KALRN: variants seen among roughly 807,000 people sequenced by gnomAD.
The protein encoded by KALRN is kalirin.
KALRN carries 70 observed loss-of-function variants against 353.7 expected under a neutral mutation model. The ratio of observed to expected loss-of-function variants is 0.20; its 90% CI spans 0.16 to 0.24. KALRN has a LOEUF of 0.24. Ranked by LOEUF, KALRN falls within the 10% of genes least tolerant of loss-of-function variation. The pLI is 1.00. For synonymous variants in KALRN, 1,391 were observed against 1,434.8 expected, an observed-to-expected ratio of 0.97 and a Z score of 0.69; for missense variants, 2,791 against 3,756.7, an observed-to-expected ratio of 0.74 and a Z score of 6.72.
At chr3:124,227,854 A>G (rs2078742445) in intron 1 of KALRN, 136 bp from the exon 2 acceptor site, 3 of 741,976 alleles carry the variant, frequency 4.0e-6, no homozygotes, top group Non-Finnish European at 7.4e-6. Context: ...CTCCTGGTCC[A>G]TCGGGCTGGG....
intron 1 of KALRN, among the ~76,000 whole-genome samples, chr3:124,104,788 G>C (rs902003798): frequency 6.6e-6 from 1 of 152,176 alleles, no homozygotes; most frequent in African/African-American, 2.4e-5. Flanking sequence ...TGCCTAGAGG[G>C]GTTGGAGAAG....
intron 6 of KALRN, among the ~76,000 whole-genome samples, chr3:124,306,816 A>G (rs907507175): frequency 1.6e-4 from 25 of 152,200 alleles, no homozygotes; most frequent in African/African-American, 5.1e-4. Flanking sequence ...ATCAGAAACA[A>G]TGGAGGTCCA....
chr3:124,315,004 C>T lies in KALRN; in HGVS notation c.1093-10976C>T, dbSNP rs184236767. On this transcript the variant is annotated intron_variant, in intron 6 of 59. Transcript: ENST00000682506. Reference sequence around the variant, plus strand: ...GGAACTAACAGAGTGAGAACACACTCATTACCTTGAGGAGGAGCTATTCAT... The same window carrying T: ...GGAACTAACAGAGTGAGAACACACTTATTACCTTGAGGAGGAGCTATTCAT... Among the ~76,000 whole-genome samples the T allele has an allele frequency of 5.5e-3, 841 of 152,264 alleles. 14 individuals carry two copies. The highest frequency in any genetic ancestry group is 8.7e-3 in the Non-Finnish European group (591 of 68,018).
intron 39 of KALRN, 146 bp from the exon 40 acceptor site, chr3:124,657,302 C>G (rs1005336015): frequency 1.5e-5 from 9 of 593,906 alleles, no homozygotes; most frequent in African/African-American, 2.4e-5. Flanking sequence ...GGTTAAAGAC[C>G]TGGTTGAATA....
chr3:124,675,587 C>A, intron 49 of KALRN, among the ~76,000 whole-genome samples: 1 of 121,268 alleles, frequency 8.2e-6, no homozygotes, highest in East Asian at 2.6e-4. Context: ...ATTTTTTTTT[C>A]CTACATAAAA....
intron 6 of KALRN, among the ~76,000 whole-genome samples, chr3:124,307,236 A>C (rs1263205243): frequency 1.3e-5 from 2 of 152,086 alleles, no homozygotes; most frequent in Non-Finnish European, 2.9e-5. Flanking sequence ...AGCACAAAGG[A>C]GGTTGGTAGG....
rs746919230 is a variant in KALRN at position 124,422,952 on chromosome 3, C to T, written c.2683C>T (p.Arg895Cys). The change falls in exon 15 of 60, where the codon CGT becomes TGT. Residue 895 changes from arginine (R) to cysteine (C), a missense_variant. Transcript: ENST00000682506. Reference protein sequence around the residue: ...HKRLEQCLQLRHLQAEVKQVL... With the variant: ...HKRLEQCLQLCHLQAEVKQVL... The stretch of plus-strand genomic sequence containing the variant: ...GCGGCTAGAGCAGTGCCTCCAATTA[C>T]GTCACCTCCAGGCTGAAGTCAAACA... The T allele has an allele frequency of 4.3e-6, 7 of 1,613,724 alleles. No homozygotes were observed. Among genetic ancestry groups the T allele is most frequent in the South Asian group, 1.1e-5 (1 of 91,062 alleles).
chr3:124,163,575 T>C (rs1276570197), intron 1 of KALRN: 1 of 984,476 alleles, frequency 1.0e-6, no homozygotes, highest in Non-Finnish European at 1.2e-6. Flanking sequence ...AATACATGTT[T>C]TGCTGGACAC....
chr3:124,253,983 T>A (rs1580092986), intron 3 of KALRN, among the ~76,000 whole-genome samples: 2 of 152,318 alleles, frequency 1.3e-5, no homozygotes, highest in Admixed American at 1.3e-4. Flanking sequence ...TAAGTGGGAA[T>A]CTGCCAGACA....
Position 124,674,419 on chromosome 3 carries a change from A to C in KALRN, c.6998A>C (p.Tyr2333Ser). ...TSSMAVIKDYYALKENEICVS... is the reference protein window; with the variant it reads ...TSSMAVIKDYSALKENEICVS... ...TCCATGGCCGTGATCAAAGATTACT[A>C]TGCACTGAAGGAGAATGAAATCTGT... The change falls in exon 49 of 60, where the codon TAT (tyrosine) becomes TCT (serine). Residue 2333 changes from tyrosine (Y) to serine (S), a missense_variant. By Grantham distance (144) the Tyr-to-Ser change is moderately radical (BLOSUM62 -2). Transcript: ENST00000682506. 6.2e-7 allele frequency: 1 copy of C among 1,614,062 alleles called. No homozygotes were observed. Among genetic ancestry groups the C allele is most frequent in the Non-Finnish European group, 8.5e-7 (1 of 1,179,992 alleles).
At chr3:124,106,894 G>T (rs961799666) in intron 1 of KALRN, among the ~76,000 whole-genome samples, 2 of 152,186 alleles carry the variant, frequency 1.3e-5, no homozygotes, top group African/African-American at 4.8e-5. Context: ...AGGGTTATCT[G>T]GTTTGGGTTC....
intron 1 of KALRN, among the ~76,000 whole-genome samples, chr3:124,119,624 C>T (rs1212271033): frequency 1.3e-5 from 2 of 152,174 alleles, no homozygotes; most frequent in Non-Finnish European, 2.9e-5. Context: ...CAGGCTGTCC[C>T]AACATGAGCA....
rs752539205 is a variant in KALRN, at chr3:124,477,334, T to G, written c.4191T>G (p.Asp1397Glu). The G allele has an allele frequency of 8.7e-6, 14 of 1,610,690 alleles. No individual in the cohort carries two copies. The Admixed American group carries it at 2.2e-4, about 25-fold the overall frequency. ...TGGAGCATGCGGGCACCTTCTTTGATGTAAGCTGTGTTTTCCATTCTTGAG... is the reference window on the plus strand; with the variant it reads ...TGGAGCATGCGGGCACCTTCTTTGAGGTAAGCTGTGTTTTCCATTCTTGAG... Reference protein sequence around the residue: ...LILEHAGTFFDEIQQRHGLAN... With the variant: ...LILEHAGTFFEEIQQRHGLAN... The change falls in exon 27 of 60, where the codon GAT (aspartate) becomes GAG (glutamate). Residue 1397 changes from aspartate (D) to glutamate (E), a missense_variant and splice_region_variant. Coordinates refer to ENST00000682506, the MANE Select transcript of KALRN (RefSeq NM_001388419.1).
At chr3:124,500,627 A>G (rs79481756) in intron 33 of KALRN, among the ~76,000 whole-genome samples, 16,120 of 152,324 alleles carry the variant, frequency 0.11, 1,060 homozygotes, top group Non-Finnish European at 0.15. Context: ...AGTAAATGGC[A>G]TTAGTAGCTT....
chr3:124,683,518 C>T (rs680822), intron 51 of KALRN, among the ~76,000 whole-genome samples: 58,369 of 152,054 alleles, frequency 0.38, 12,428 homozygotes, highest in African/African-American at 0.57. Context: ...CTTGGGCCTT[C>T]AAGGATAAGG....
intron 34 of KALRN, among the ~76,000 whole-genome samples, chr3:124,625,596 T>C (rs533393989): frequency 1.4e-4 from 22 of 151,744 alleles, no homozygotes; most frequent in African/African-American, 4.8e-4. Flanking sequence ...CCAAAATAGA[T>C]TGGAAACAAG....
At chr3:124,074,339 T>C (rs1479852633) in intron 1 of KALRN, among the ~76,000 whole-genome samples, 2 of 152,232 alleles carry the variant, frequency 1.3e-5, no homozygotes, top group East Asian at 3.9e-4. Flanking sequence ...GAATGGGCAC[T>C]GTCATGAAGA....
chr3:124,419,850 T>G (rs1399834205), intron 14 of KALRN, among the ~76,000 whole-genome samples: 1 of 152,196 alleles, frequency 6.6e-6, no homozygotes, highest in Non-Finnish European at 1.5e-5. Flanking sequence ...AAATATCTTT[T>G]TGCATTTCTA....
chr3:124,719,512 G>A lies in KALRN; in HGVS notation c.*42G>A, dbSNP rs2150848513. The A allele has an allele frequency of 6.5e-7, 1 of 1,549,230 alleles. No individual in the cohort carries two copies. The highest frequency in any genetic ancestry group is 2.3e-5 in the East Asian group (1 of 44,286). ...ATGGTTTCACATAGACGTGCAGTGT[G>A]AACCAAAGCAAGACTGAATGTGACT... On this transcript the variant is annotated 3_prime_UTR_variant, in exon 60 of 60. Transcript: ENST00000682506. This position sits in a 1 kb window ranked among gnomAD's most constrained non-coding sequence, Gnocchi z 5.3.
Sources: allele counts gnomAD v4.1 joint callset (sites outside exome capture counted in the v4.1 genomes callset), GRCh38; gene constraint gnomAD v4.1.1; non-coding constraint Gnocchi (gnomAD v3.1); transcripts MANE v1.5; gene names NCBI Gene and HGNC (gene_info 2026-07-23, HGNC 2026-07-21).